GALNT13: variants seen among roughly 807,000 people sequenced by gnomAD.
The protein encoded by GALNT13 is polypeptide N-acetylgalactosaminyltransferase 13, also known as UDP-GalNAc:polypeptide N-acetylgalactosaminyltransferase 13.
In GALNT13, 28 loss-of-function variants were observed where a neutral mutation model predicts 64.2. The observed-to-expected ratio is 0.44, with a 90% CI of 0.32 to 0.60. GALNT13 has a LOEUF of 0.60. GALNT13 is among the 20% of genes least tolerant of loss of function. The pLI, the probability that GALNT13 is intolerant of heterozygous loss-of-function variation, is 0.05. For synonymous variants in GALNT13, 214 were observed against 224.6 expected (o/e 0.95, Z 0.42); for missense variants, 577 against 669.8 (o/e 0.86, Z 1.53).
chr2:153,548,995 AAG>A, the GALNT13 span, among the ~76,000 whole-genome samples: 5 of 152,328 alleles, frequency 3.3e-5, no homozygotes, highest in East Asian at 9.6e-4. Flanking sequence ...TGCCAAGTAA[AAG>A]AAGCCAGACA....
At chr2:153,558,079 G>A in the GALNT13 span, among the ~76,000 whole-genome samples, 5 of 152,164 alleles carry the variant, frequency 3.3e-5, no homozygotes, top group African/African-American at 9.7e-5. Context: ...TGACTATGTG[G>A]TGAAAGTCTG....
At chr2:154,046,936 TG>T (rs1699320842) in intron 3 of GALNT13, among the ~76,000 whole-genome samples, 2 of 63,520 alleles carry the variant, frequency 3.1e-5, no homozygotes, top group Admixed American at 1.1e-4. Flanking sequence ...ACTTAGTCTG[TG>T]GGTTTTTTTT....
At chr2:154,032,388 T>C (rs1172769843) in intron 3 of GALNT13, among the ~76,000 whole-genome samples, 6 of 151,940 alleles carry the variant, frequency 3.9e-5, no homozygotes, top group African/African-American at 1.4e-4. Context: ...ACCCAGTCAC[T>C]TCCCGAAAGG....
chr2:154,294,079 A>G (rs1692787205), intron 8 of GALNT13, among the ~76,000 whole-genome samples: 2 of 152,222 alleles, frequency 1.3e-5, no homozygotes, highest in South Asian at 4.1e-4. Context: ...GCATTTATCT[A>G]CACATTCTGT....
At chr2:153,168,689 A>C in the GALNT13 span, among the ~76,000 whole-genome samples, 47 of 152,338 alleles carry the variant, frequency 3.1e-4, 1 homozygote, top group Non-Finnish European at 6.6e-4. Flanking sequence ...TTCTTCATCT[A>C]TAAAATATAC....
the GALNT13 span, among the ~76,000 whole-genome samples, chr2:153,155,099 C>A: frequency 1.3e-5 from 2 of 152,190 alleles, no homozygotes; most frequent in East Asian, 3.9e-4. Flanking sequence ...GGTGGATAAG[C>A]TTTTTGATGC....
chr2:153,489,980 T>TACACACACAC, the GALNT13 span, among the ~76,000 whole-genome samples: 50 of 147,872 alleles, frequency 3.4e-4, no homozygotes, highest in Admixed American at 1.3e-3. Context: ...GGCCCTGTTT[T>TACACACACAC]ACACACACAC....
chr2:153,199,260 T>A, the GALNT13 span, among the ~76,000 whole-genome samples: 2 of 152,230 alleles, frequency 1.3e-5, no homozygotes. Context: ...TGATTTTGGG[T>A]GACTAACTCG....
chr2:153,477,103 G>C, the GALNT13 span, among the ~76,000 whole-genome samples: 47 of 152,110 alleles, frequency 3.1e-4, no homozygotes, highest in Non-Finnish European at 4.4e-5. Context: ...AAATATTCAC[G>C]ATAAGAGGAA....
chr2:153,295,048 A>AT, the GALNT13 span, among the ~76,000 whole-genome samples: 1 of 152,126 alleles, frequency 6.6e-6, no homozygotes, highest in East Asian at 1.9e-4. Flanking sequence ...TCAACTTTAA[A>AT]TAGACACAGG....
chr2:154,081,306 C>CGA (rs571510999), intron 3 of GALNT13, among the ~76,000 whole-genome samples: 1 of 151,600 alleles, frequency 6.6e-6, no homozygotes, highest in Admixed American at 6.6e-5. Context: ...GCCATCTTCT[C>CGA]GAGAGAGAAT....
At chr2:153,979,180 A>G (rs759691944) in intron 3 of GALNT13, among the ~76,000 whole-genome samples, 1 of 152,142 alleles carries the variant, frequency 6.6e-6, no homozygotes, top group Non-Finnish European at 1.5e-5. Flanking sequence ...AATTTCTTAA[A>G]ATAAACTATT....
At chr2:153,810,133 T>G in the GALNT13 span, among the ~76,000 whole-genome samples, 1 of 152,076 alleles carries the variant, frequency 6.6e-6, no homozygotes, top group Non-Finnish European at 1.5e-5. Context: ...GCTAATTTTT[T>G]TGTATTTTTT....
At chr2:153,657,098 A>C in the GALNT13 span, among the ~76,000 whole-genome samples, 51 of 152,132 alleles carry the variant, frequency 3.4e-4, no homozygotes, top group Non-Finnish European at 6.2e-4. Context: ...GATCTCTATG[A>C]AGTTATGGGC....
chr2:153,250,695 A>T, the GALNT13 span, among the ~76,000 whole-genome samples: 1 of 152,190 alleles, frequency 6.6e-6, no homozygotes, highest in Non-Finnish European at 1.5e-5. Flanking sequence ...GAAATATTAT[A>T]CAGCCACAAA....
At chr2:153,268,707 A>C in the GALNT13 span, among the ~76,000 whole-genome samples, 1 of 152,204 alleles carries the variant, frequency 6.6e-6, no homozygotes, top group Non-Finnish European at 1.5e-5. Context: ...CTGCATGTTC[A>C]GGTGTTTCCA....
chr2:153,124,712 C>A, the GALNT13 span, among the ~76,000 whole-genome samples: 1 of 152,212 alleles, frequency 6.6e-6, no homozygotes, highest in Admixed American at 6.5e-5. Context: ...ACCATGTTGG[C>A]CAGATGGTCT....
the GALNT13 span, among the ~76,000 whole-genome samples, chr2:153,741,069 G>C: frequency 2.6e-5 from 4 of 152,232 alleles, no homozygotes; most frequent in African/African-American, 9.6e-5. Context: ...ATTAATAAAT[G>C]AATGCAAGTA....
At chr2:153,204,483 T>G in the GALNT13 span, among the ~76,000 whole-genome samples, 1 of 152,176 alleles carries the variant, frequency 6.6e-6, no homozygotes, top group Admixed American at 6.5e-5. Flanking sequence ...TACTGGCTTT[T>G]CTTTTTCAAG....
Sources: allele counts gnomAD v4.1 joint callset (sites outside exome capture counted in the v4.1 genomes callset), GRCh38; gene constraint gnomAD v4.1.1; transcripts MANE v1.5; gene names NCBI Gene and HGNC (gene_info 2026-07-23, HGNC 2026-07-21).